Variants in TRAPPC9 observed in about 807,000 individuals in gnomAD.
TRAPPC9 encodes IKK2 binding protein.
Under a neutral mutation model 124.0 loss-of-function variants are expected in TRAPPC9, and 83 were observed. The observed-to-expected ratio is 0.67, with a 90% confidence interval of 0.56 to 0.80. The LOEUF is 0.80. Ranked by LOEUF, TRAPPC9 falls within the 30% of genes least tolerant of loss-of-function variation. The pLI, the probability that TRAPPC9 is intolerant of heterozygous loss-of-function variation, is 0.00. For synonymous variants in TRAPPC9, 638 were observed against 617.5 expected, an observed-to-expected ratio of 1.03 and a Z score of -0.49; for missense variants, 1,302 against 1,508.3, an observed-to-expected ratio of 0.86 and a Z score of 2.27.
intron 16 of TRAPPC9, among the ~76,000 whole-genome samples, chr8:140,236,399 C>A (rs187011440): frequency 1.2e-4 from 18 of 152,144 alleles, no homozygotes; most frequent in African/African-American, 3.9e-4. Context: ...TTCTTCTACA[C>A]GGAATTTAAG....
chr8:140,015,745 C>A (rs563126549), intron 18 of TRAPPC9, among the ~76,000 whole-genome samples: 1 of 152,220 alleles, frequency 6.6e-6, no homozygotes, highest in East Asian at 1.9e-4. Flanking sequence ...GAGGCAGAGG[C>A]TGCAGCGAGC....
chr8:140,391,304 T>C (rs1314606364), intron 7 of TRAPPC9, among the ~76,000 whole-genome samples: 3 of 152,220 alleles, frequency 2.0e-5, no homozygotes. Context: ...TCAATGAGAG[T>C]TGATCCTAGA....
chr8:140,009,955 G>A (rs974494082), intron 18 of TRAPPC9, among the ~76,000 whole-genome samples: 3 of 152,196 alleles, frequency 2.0e-5, no homozygotes, highest in South Asian at 2.1e-4. Context: ...GAAGATGAAC[G>A]CTATGCTGGT....
chr8:140,315,570 G>T (rs1172159016), intron 9 of TRAPPC9, among the ~76,000 whole-genome samples: 1 of 152,028 alleles, frequency 6.6e-6, no homozygotes, highest in African/African-American at 2.4e-5. Flanking sequence ...CTTTCTCAAA[G>T]AACGAAGGTT....
chr8:140,293,880 AAATT>A (rs200497911), intron 11 of TRAPPC9, among the ~76,000 whole-genome samples: 1,543 of 152,124 alleles, frequency 0.01, 11 homozygotes, highest in Middle Eastern at 0.034. Flanking sequence ...ATAAAATTTA[AAATT>A]AATTAATTAA....
At chr8:140,408,204 G>A (rs1416599825) in intron 5 of TRAPPC9, among the ~76,000 whole-genome samples, 1 of 152,160 alleles carries the variant, frequency 6.6e-6, no homozygotes, top group Non-Finnish European at 1.5e-5. Flanking sequence ...TAGATTACAG[G>A]CAGGAAAATC....
At chr8:140,396,138 C>CTTT (rs59266343) in intron 7 of TRAPPC9, among the ~76,000 whole-genome samples, 22 of 83,338 alleles carry the variant, frequency 2.6e-4, no homozygotes, top group South Asian at 4.5e-4. Context: ...AAGACCTTGC[C>CTTT]TTTTTTTTTT....
Position 140,371,221 on chromosome 8 carries a change from G to A in TRAPPC9, c.1135-41C>T, listed in dbSNP as rs190286429. The stretch of plus-strand genomic sequence containing the variant: ...AAAGTAAAAAGCTTTTGAAAGAAAC[G>A]TATAAGTGAAAAAAGAAGCACACAT... On this transcript the variant is annotated intron_variant, in intron 7 of 22. Transcript: ENST00000438773. 1,860 of 1,535,496 alleles carry A rather than the reference G, an allele frequency of 1.2e-3. 4 individuals are homozygous for A. Among genetic ancestry groups the A allele is most frequent in the Non-Finnish European group, 8.3e-4 (943 of 1,129,800 alleles).
chr8:139,812,113 T>A (rs748182480), intron 21 of TRAPPC9, among the ~76,000 whole-genome samples: 1 of 152,180 alleles, frequency 6.6e-6, no homozygotes, highest in Non-Finnish European at 1.5e-5. Context: ...ATGTAGCTGA[T>A]GGGTTTGGTG....
chr8:140,457,561 A>T, intron 1 of TRAPPC9, 78 bp downstream of exon 1: 1 of 972,858 alleles, frequency 1.0e-6, no homozygotes, highest in Non-Finnish European at 1.2e-6. Flanking sequence ...GGACGCGCCG[A>T]CTCCACGGCC....
intron 21 of TRAPPC9, among the ~76,000 whole-genome samples, chr8:139,741,648 C>T (rs1370442509): frequency 6.6e-6 from 1 of 152,144 alleles, no homozygotes; most frequent in Non-Finnish European, 1.5e-5. Flanking sequence ...AAACCCTGTA[C>T]CCTTTTAGCC....
At chr8:139,935,276 C>T (rs1833441023) in intron 19 of TRAPPC9, among the ~76,000 whole-genome samples, 1 of 152,208 alleles carries the variant, frequency 6.6e-6, no homozygotes, top group Non-Finnish European at 1.5e-5. Flanking sequence ...TAAAAAATTA[C>T]ACGTGCTTTT....
chr8:140,443,561 A>C (rs2071124694), intron 2 of TRAPPC9, among the ~76,000 whole-genome samples: 1 of 152,128 alleles, frequency 6.6e-6, no homozygotes, highest in South Asian at 2.1e-4. Context: ...AGTATACTAA[A>C]AGGTGCCCAC....
At chr8:140,001,091 A>G (rs1198475373) in intron 18 of TRAPPC9, among the ~76,000 whole-genome samples, 1 of 152,234 alleles carries the variant, frequency 6.6e-6, no homozygotes, top group Admixed American at 6.5e-5. Context: ...GGGGACATGG[A>G]TGAAGCTGGA....
intron 21 of TRAPPC9, among the ~76,000 whole-genome samples, chr8:139,777,290 A>C (rs898335031): frequency 3.3e-5 from 5 of 152,178 alleles, no homozygotes; most frequent in African/African-American, 1.2e-4. Context: ...GTGCTTAGTA[A>C]ATGTTTGCTG....
In TRAPPC9 at chr8:139,893,283, C is replaced by G. The variant is rs531413587; in HGVS notation, c.2965-7314G>C. On this transcript the variant is annotated intron_variant, in intron 20 of 22. Transcript: ENST00000438773. ...CGGCGTGCCGCAGACCTGGACGCAC[C>G]CTGCTCTCTCCTTTTCAGGCTCTGT... Among the ~76,000 whole-genome samples, 6 of 152,280 alleles carry G rather than the reference C, an allele frequency of 3.9e-5. No homozygotes were observed. The South Asian group carries it at 1.2e-3, about 32-fold the overall frequency.
chr8:140,030,302 G>A (rs1840422969), intron 17 of TRAPPC9, among the ~76,000 whole-genome samples: 1 of 152,120 alleles, frequency 6.6e-6, no homozygotes, highest in Admixed American at 6.5e-5. Context: ...CAGAAACAAA[G>A]GGCATACATG....
Position 140,397,752 on chromosome 8 carries a change from G to A in TRAPPC9, c.1009-7C>T, listed in dbSNP as rs777632616. The A allele has an allele frequency of 4.3e-6, 7 of 1,613,806 alleles. No homozygotes were observed. Among genetic ancestry groups the A allele is most frequent in the Middle Eastern group, 1.6e-4 (1 of 6,084 alleles). ...TCACTCCCGCATTCTTATACTGCAG[G>A]GTGTAAAGGAAATGCCTCAGTCAAA... On this transcript the variant is annotated splice_region_variant and splice_polypyrimidine_tract_variant and intron_variant, in intron 6 of 22. Transcript: ENST00000438773.
chr8:140,026,893 G>T (rs1236773887), intron 17 of TRAPPC9, among the ~76,000 whole-genome samples: 1 of 151,980 alleles, frequency 6.6e-6, no homozygotes, highest in South Asian at 2.1e-4. Flanking sequence ...AATATTCAAG[G>T]ATCATATTTT....
Sources: gnomAD v4.1 joint callset for allele counts (sites outside exome capture counted in the v4.1 genomes callset) on GRCh38, gnomAD v4.1.1 for gene constraint, MANE v1.5 for transcripts, NCBI Gene and HGNC (gene_info 2026-07-23, HGNC 2026-07-21) for gene names.